ADGRL1: variants seen among roughly 807,000 people sequenced by gnomAD.
ADGRL1 encodes CIRL-1.
ADGRL1 carries 31 observed loss-of-function variants against 148.9 expected under a neutral mutation model. That is an observed-to-expected ratio of 0.21 (90% CI 0.16 to 0.28). ADGRL1 has a LOEUF of 0.28. Among genes scored for constraint, ADGRL1 ranks in the 10% least tolerant of loss-of-function variants. The pLI is 1.00. For missense variants in ADGRL1, 1,521 were observed against 2,058.8 expected (o/e 0.74, Z 5.05); for synonymous variants, 937 against 900.3 (o/e 1.04, Z -0.73).
intron 1 of ADGRL1, among the ~76,000 whole-genome samples, chr19:14,199,332 C>T (rs902999569): frequency 6.6e-6 from 1 of 151,658 alleles, no homozygotes; most frequent in Admixed American, 6.6e-5. Flanking sequence ...GGGCTGGGTA[C>T]AAAAAAGTCG....
At chr19:14,174,792 TC>T (rs1287753912) in intron 3 of ADGRL1, among the ~76,000 whole-genome samples, 1 of 149,654 alleles carries the variant, frequency 6.7e-6, no homozygotes, top group Non-Finnish European at 1.5e-5. Context: ...CGCCATGGCC[TC>T]CCAAAGTGCT....
rs867262812 is a variant in ADGRL1 at position 14,157,665 on chromosome 19, G to A, written c.2536-205C>T. On this transcript the variant is annotated intron_variant, in intron 13 of 22. Coordinates refer to ENST00000361434, the MANE Select transcript of ADGRL1 (RefSeq NM_014921.5). The surrounding 1 kb of genome is among the most constrained non-coding windows in gnomAD (Gnocchi z 7.5). Reference sequence around the variant, plus strand: ...GAAGGCTTGTGGAGAGATGACCAACGTAACACCAACTTGCTTCTCCAGAGT... The same window carrying A: ...GAAGGCTTGTGGAGAGATGACCAACATAACACCAACTTGCTTCTCCAGAGT... 6.6e-6 allele frequency among the ~76,000 whole-genome samples: 1 copy of A among 152,242 alleles called. No homozygotes were observed. Among genetic ancestry groups the A allele is most frequent in the Non-Finnish European group, 1.5e-5 (1 of 68,036 alleles).
rs142193990 is a variant in ADGRL1, at chr19:14,187,330, C to T, written c.-95-3633G>A. Among the ~76,000 whole-genome samples, 1,453 of 152,296 alleles carry T rather than the reference C, an allele frequency of 9.5e-3. 32 individuals carry two copies. The highest frequency in any genetic ancestry group is 0.033 in the African/African-American group (1,387 of 41,546). ...CTCCAGCCTGGGCAACAGAGCCAGA[C>T]TGTCTCAAAAATAAATAAATAAAAC... On this transcript the variant is annotated intron_variant, in intron 1 of 22. Coordinates refer to ENST00000361434, the MANE Select transcript of ADGRL1 (RefSeq NM_014921.5).
rs144693733 is a variant in ADGRL1 at position 14,170,612 on chromosome 19, T to C, written c.394+70A>G. The C allele has an allele frequency of 6.2e-5, 57 of 916,966 alleles. No individual in the cohort carries two copies. The African/African-American group carries it at 8.8e-4, about 14-fold the overall frequency. 56.8% of individuals were successfully genotyped at this position (916,966 alleles called of 1,614,324 possible). A position where few individuals can be genotyped will look rare whatever the true frequency, so the allele number is the denominator to read the frequency against. ...TGCATGTGTGCACATGTGTGATGGG[T>C]CAAGGTGTCTCCTCCTCACTCACTC... On this transcript the variant is annotated intron_variant, in intron 4 of 22. Coordinates refer to ENST00000361434, the MANE Select transcript of ADGRL1 (RefSeq NM_014921.5).
Position 14,159,427 on chromosome 19 carries a change from C to A in ADGRL1, c.1997G>T (p.Arg666Leu). The change falls in exon 10 of 23, where the codon CGC becomes CTC. Residue 666 changes from arginine to leucine, a missense_variant. Transcript: ENST00000361434. The surrounding 1 kb of genome is among the most constrained non-coding windows in gnomAD (Gnocchi z 6.0). ...CACGTTCTCCTTGGCAGCCAGGAAGCGGGCAGGCTCCCTGACATTGTCGGC... is the reference window on the plus strand; with the variant it reads ...CACGTTCTCCTTGGCAGCCAGGAAGAGGGCAGGCTCCCTGACATTGTCGGC... ...LLADNVREPA[R>L]FLAAKENVVL... The A allele has an allele frequency of 6.2e-7, 1 of 1,611,052 alleles. No individual in the cohort carries two copies. Among genetic ancestry groups the A allele is most frequent in the South Asian group, 1.1e-5 (1 of 90,760 alleles).
Position 14,160,387 on chromosome 19 carries a change from C to A in ADGRL1, c.1615-90G>T, listed in dbSNP as rs1969231893. ...GCTTCCCTGGCCTGTGCAGCCTCTCCTATCTCTCTCTCCACTTCCCCATCG... is the reference window on the plus strand; with the variant it reads ...GCTTCCCTGGCCTGTGCAGCCTCTCATATCTCTCTCTCCACTTCCCCATCG... On this transcript the variant is annotated intron_variant, in intron 7 of 22. Transcript: ENST00000361434. This position sits in a 1 kb window ranked among gnomAD's most constrained non-coding sequence, Gnocchi z 5.9. 1 of 1,223,748 alleles carries A rather than the reference C, an allele frequency of 8.2e-7. No homozygotes were observed. The highest frequency in any genetic ancestry group is 1.5e-5 in the African/African-American group (1 of 66,172). 75.8% of individuals were successfully genotyped at this position (1,223,748 alleles called of 1,614,324 possible). A position where few individuals can be genotyped will look rare whatever the true frequency, so the allele number is the denominator to read the frequency against.
At chr19:14,202,995 C>T (rs138837471) in intron 1 of ADGRL1, among the ~76,000 whole-genome samples, 2,796 of 152,226 alleles carry the variant, frequency 0.018, 36 homozygotes, top group Non-Finnish European at 0.028. Context: ...CTGGGGACAC[C>T]GGGACCCCCT....
intron 18 of ADGRL1, among the ~76,000 whole-genome samples, chr19:14,154,553 G>C (rs1968533219): frequency 6.6e-6 from 1 of 151,900 alleles, no homozygotes; most frequent in African/African-American, 2.4e-5. Flanking sequence ...GCCTCCCAAA[G>C]TGCTGGGATT....
intron 18 of ADGRL1, among the ~76,000 whole-genome samples, chr19:14,154,948 C>T (rs952390067): frequency 1.3e-5 from 2 of 152,246 alleles, no homozygotes; most frequent in East Asian, 1.9e-4. Context: ...GATTTTAACA[C>T]ATTTATTTTA....
At chr19:14,156,528 G>A (rs978107776) in intron 16 of ADGRL1, 130 bp downstream of exon 16, 1 of 731,848 alleles carries the variant, frequency 1.4e-6, no homozygotes, top group Non-Finnish European at 2.3e-6. Context: ...CGGTGGCTCA[G>A]TTCCGATGTG....
At position 14,155,174 on chromosome 19, in the gene ADGRL1, A is replaced by ACCCTCCCTAACCCTGAGCTCGTGCTC; in HGVS notation, c.3294+159_3294+184dup. On this transcript the variant is annotated intron_variant, in intron 18 of 22. Transcript: ENST00000361434. This position sits in a 1 kb window ranked among gnomAD's most constrained non-coding sequence, Gnocchi z 5.0. The stretch of plus-strand genomic sequence containing the variant: ...CAGAACCCTCTTCACCCGTGGTTAA[A>ACCCTCCCTAACCCTGAGCTCGTGCTC]CCCTCCCTAACCCTGAGCTCGTGCT... 1.8e-6 allele frequency: 1 copy of ACCCTCCCTAACCCTGAGCTCGTGCTC among 569,474 alleles called. No individual in the cohort carries two copies. Among genetic ancestry groups the ACCCTCCCTAACCCTGAGCTCGTGCTC allele is most frequent in the African/African-American group, 2.0e-5 (1 of 50,960 alleles). 35.3% of individuals were successfully genotyped at this position (569,474 alleles called of 1,614,324 possible). A position where few individuals can be genotyped will look rare whatever the true frequency, so the allele number is the denominator to read the frequency against.
chr19:14,202,871 G>A (rs957964868), intron 1 of ADGRL1, among the ~76,000 whole-genome samples: 3 of 151,906 alleles, frequency 2.0e-5, no homozygotes, highest in African/African-American at 7.3e-5. Context: ...TATGAACACC[G>A]GATGAGTCTG....
rs745540904 is a variant in ADGRL1, at chr19:14,156,891, T to C, written c.2966+34A>G. On this transcript the variant is annotated intron_variant, in intron 15 of 22. Coordinates refer to ENST00000361434, the MANE Select transcript of ADGRL1 (RefSeq NM_014921.5). ...GGGTGCCGCCCAGCAGGGAACCAGG[T>C]GGGAGGGTGCAGGGCTGGGAGGTGG... 3.1e-6 allele frequency: 5 copies of C among 1,597,364 alleles called. No individual in the cohort carries two copies. The Admixed American group carries it at 5.1e-5, about 16-fold the overall frequency.
intron 4 of ADGRL1, among the ~76,000 whole-genome samples, chr19:14,168,037 C>T (rs964479524): frequency 1.3e-5 from 2 of 152,148 alleles, no homozygotes; most frequent in African/African-American, 2.4e-5. Flanking sequence ...CCACACATCA[C>T]GTGCCCCCTG....
rs757064884 is a variant in ADGRL1 at position 14,177,750 on chromosome 19, G to A, written c.71-6C>T. 6.2e-7 allele frequency: 1 copy of A among 1,606,964 alleles called. No individual in the cohort carries two copies. The highest frequency in any genetic ancestry group is 8.5e-7 in the Non-Finnish European group (1 of 1,178,184). The stretch of plus-strand genomic sequence containing the variant: ...GAGCCCGGCCCGGCTCAGGCCTGCA[G>A]GGAGGGTTGGGGATGGTGTCACTCC... On this transcript the variant is annotated splice_region_variant and splice_polypyrimidine_tract_variant and intron_variant, in intron 2 of 22. Coordinates refer to ENST00000361434, the MANE Select transcript of ADGRL1 (RefSeq NM_014921.5).
chr19:14,156,101 G>A lies in ADGRL1; in HGVS notation c.3125+9C>T, dbSNP rs781547320. The A allele has an allele frequency of 1.0e-5, 16 of 1,605,704 alleles. No individual in the cohort carries two copies. Among genetic ancestry groups the A allele is most frequent in the East Asian group, 2.2e-5 (1 of 44,552 alleles). ...GATGGGGCAGGGGGCAGGCAGGGGC[G>A]AGGCTCACTTAATGTTGTCCAGGCG... is the stretch of plus-strand genomic sequence containing the variant. On this transcript the variant is annotated intron_variant, in intron 17 of 22. Coordinates refer to ENST00000361434, the MANE Select transcript of ADGRL1 (RefSeq NM_014921.5).
chr19:14,198,826 C>T (rs967485674), intron 1 of ADGRL1, among the ~76,000 whole-genome samples: 11 of 152,206 alleles, frequency 7.2e-5, no homozygotes, highest in African/African-American at 2.7e-4. Flanking sequence ...CCCCCTCCTC[C>T]GGGAAGCCTT....
chr19:14,177,973 G>A (rs998904596), intron 2 of ADGRL1, among the ~76,000 whole-genome samples: 4 of 152,156 alleles, frequency 2.6e-5, no homozygotes, highest in Admixed American at 2.0e-4. Flanking sequence ...AGGAAGTGAC[G>A]TCTGAGCCTT....
intron 3 of ADGRL1, among the ~76,000 whole-genome samples, chr19:14,175,211 G>A (rs1437528778): frequency 6.6e-6 from 1 of 152,074 alleles, no homozygotes; most frequent in Non-Finnish European, 1.5e-5. Flanking sequence ...AGAGGCTTGT[G>A]CAGATTTGCA....
Sources: gnomAD v4.1 joint callset for allele counts (sites outside exome capture counted in the v4.1 genomes callset) on GRCh38, gnomAD v4.1.1 for gene constraint, Gnocchi (gnomAD v3.1) non-coding constraint, MANE v1.5 for transcripts, NCBI Gene and HGNC (gene_info 2026-07-23, HGNC 2026-07-21) for gene names.